Variants in ARHGAP32 observed in about 807,000 individuals in gnomAD.
ARHGAP32 encodes the protein rho GTPase-activating protein 32.
In ARHGAP32, 51 loss-of-function variants were observed where a neutral mutation model predicts 186.5. The observed-to-expected ratio is 0.27, with a 90% CI of 0.22 to 0.35. ARHGAP32 has a LOEUF of 0.35. Ranked by LOEUF, ARHGAP32 falls within the 10% of genes least tolerant of loss-of-function variation. The pLI is 1.00. For missense variants in ARHGAP32, 2,186 were observed against 2,623.5 expected (o/e 0.83, Z 3.64); for synonymous variants, 950 against 964.3 (o/e 0.99, Z 0.27).
intron 2 of ARHGAP32, among the ~76,000 whole-genome samples, chr11:129,128,729 C>G (rs1178222635): frequency 1.3e-5 from 2 of 152,108 alleles, no homozygotes; most frequent in Non-Finnish European, 2.9e-5. Flanking sequence ...GATTGCAGGC[C>G]CGCACCGCCA....
At chr11:129,250,972 C>T (rs1945174901) in intron 1 of ARHGAP32, among the ~76,000 whole-genome samples, 1 of 152,138 alleles carries the variant, frequency 6.6e-6, no homozygotes, top group Admixed American at 6.6e-5. Context: ...ATCCAAGTAA[C>T]AAATACTAAA....
chr11:129,046,635 A>G (rs373569600), intron 10 of ARHGAP32, among the ~76,000 whole-genome samples: 1 of 152,198 alleles, frequency 6.6e-6, no homozygotes, highest in East Asian at 1.9e-4. Context: ...AAGTGAGTGT[A>G]TGTGCTGAAA....
At chr11:129,057,055 T>G (rs929654627) in intron 10 of ARHGAP32, among the ~76,000 whole-genome samples, 1 of 152,162 alleles carries the variant, frequency 6.6e-6, no homozygotes, top group Non-Finnish European at 1.5e-5. Context: ...CGGAGCCCAG[T>G]TGACAGGGTT....
chr11:128,976,368 G>T (rs1340299519), intron 20 of ARHGAP32, among the ~76,000 whole-genome samples, 195 bp downstream of exon 20: 1 of 152,064 alleles, frequency 6.6e-6, no homozygotes, highest in Non-Finnish European at 1.5e-5. Flanking sequence ...TGCCAAAAAT[G>T]AAAAGATTAA....
intron 11 of ARHGAP32, among the ~76,000 whole-genome samples, chr11:129,027,752 G>A (rs999066835): frequency 6.6e-6 from 1 of 151,976 alleles, no homozygotes; most frequent in African/African-American, 2.4e-5. Context: ...CGTCTCTCAG[G>A]TTTATTTCTC....
chr11:128,971,641 A>T (rs148198343), intron 22 of ARHGAP32: 28 of 154,814 alleles, frequency 1.8e-4, no homozygotes, highest in African/African-American at 6.5e-4. Context: ...GCAATATTCA[A>T]ATCAGAAGCT....
At chr11:129,149,282 A>G (rs1943239381) in intron 2 of ARHGAP32, among the ~76,000 whole-genome samples, 2 of 152,176 alleles carry the variant, frequency 1.3e-5, no homozygotes, top group Admixed American at 1.3e-4. Context: ...TGGCTAACCA[A>G]TGGTCCTTAG....
At chr11:128,985,852 G>GTATATATATATA (rs1356966729) in intron 15 of ARHGAP32, 151 bp downstream of exon 15, 19 of 129,740 alleles carry the variant, frequency 1.5e-4, no homozygotes, top group South Asian at 7.3e-4. Context: ...GTGTGTGTGT[G>GTATATATATATA]TGTGTGTATA....
At chr11:129,017,109 G>A (rs187551679) in intron 11 of ARHGAP32, among the ~76,000 whole-genome samples, 85 of 152,182 alleles carry the variant, frequency 5.6e-4, no homozygotes, top group Non-Finnish European at 4.1e-4. Flanking sequence ...AGCTCCTAAC[G>A]GTATGATTAT....
At position 128,969,427 on chromosome 11, in the gene ARHGAP32, G is replaced by C. The variant is rs765607767; in HGVS notation, c.5786C>G (p.Ser1929Cys). ...DYGSKGIPDT[S>C]EPVSYHNSGV... ...AGAGTTGTGGTAGCTGACTGGCTCA[G>C]AAGTGTCTGGAATCCCTTTGGACCC... The change falls in exon 23 of 23, where the codon TCT becomes TGT. Residue 1929 changes from serine (S) to cysteine (C), a missense_variant. By Grantham distance (112) the Ser-to-Cys change is moderately radical. Around this residue, in one of 5 missense-constraint regions of ARHGAP32, gnomAD observed 1,502 missense variants for 1,570.0 expected, o/e 0.96. Transcript: ENST00000682385. This position sits in a 1 kb window ranked among gnomAD's most constrained non-coding sequence, Gnocchi z 4.8. 13 of 1,614,090 alleles carry C rather than the reference G, an allele frequency of 8.1e-6. 1 individual carries two copies. In the African/African-American group the frequency reaches 1.6e-4, roughly 20 times the overall value.
intron 11 of ARHGAP32, chr11:129,023,900 A>C: frequency 1.0e-6 from 1 of 985,358 alleles, no homozygotes; most frequent in Non-Finnish European, 1.2e-6. Context: ...ACTTAAAATT[A>C]TTCCAAATGA....
chr11:129,102,694 C>A (rs1941936207), intron 5 of ARHGAP32, among the ~76,000 whole-genome samples: 1 of 152,076 alleles, frequency 6.6e-6, no homozygotes, highest in East Asian at 1.9e-4. Flanking sequence ...CACCTATTAT[C>A]CAAAAACAGA....
upstream of ARHGAP32, among the ~76,000 whole-genome samples, chr11:129,193,481 CAA>C (rs1204964930): frequency 0.025 from 643 of 26,016 alleles, 22 homozygotes; most frequent in Middle Eastern, 0.056. Context: ...GACCCTGTCT[CAA>C]AAAAAAAAAA....
intron 11 of ARHGAP32, among the ~76,000 whole-genome samples, chr11:129,022,593 AAGGTTAC>A (rs1331960575): frequency 3.3e-5 from 5 of 152,150 alleles, no homozygotes; most frequent in African/African-American, 1.2e-4. Flanking sequence ...AGCTCTCACT[AAGGTTAC>A]TATGATGCTT....
rs1431566899 is a variant in ARHGAP32, at chr11:129,023,086, CTG to C, written c.1045+17840_1045+17841del. 1.2e-3 allele frequency among the ~76,000 whole-genome samples: 177 copies of C among 152,192 alleles called. 2 individuals carry two copies. In the East Asian group the frequency reaches 0.031, roughly 27 times the overall value. On this transcript the variant is annotated intron_variant, in intron 11 of 22. Transcript: ENST00000682385. ...TCCTGGAAAGAAAAATGTTCAACCTCTGTTAAGAAGTTGAACATACTAATCAG... is the reference window on the plus strand; with the variant it reads ...TCCTGGAAAGAAAAATGTTCAACCTCTTAAGAAGTTGAACATACTAATCAG...
At chr11:128,987,191 G>A (rs1196889533) in intron 13 of ARHGAP32, among the ~76,000 whole-genome samples, 1 of 152,148 alleles carries the variant, frequency 6.6e-6, no homozygotes, top group African/African-American at 2.4e-5. Context: ...TGTATCATTA[G>A]AATGAGTAAA....
At chr11:129,032,336 G>A (rs1017860164) in intron 11 of ARHGAP32, among the ~76,000 whole-genome samples, 7 of 152,146 alleles carry the variant, frequency 4.6e-5, no homozygotes, top group East Asian at 3.8e-4. Context: ...ACTCACCTGC[G>A]TGCTGCCCCT....
At chr11:129,250,863 T>A (rs1297145313) in intron 1 of ARHGAP32, among the ~76,000 whole-genome samples, 1 of 151,864 alleles carries the variant, frequency 6.6e-6, no homozygotes. Context: ...AGCTTACATA[T>A]GTCATACCTC....
chr11:129,066,893 T>C (rs1356589067), intron 6 of ARHGAP32, 25 bp from the exon 7 acceptor site: 3 of 1,562,636 alleles, frequency 1.9e-6, no homozygotes, highest in South Asian at 2.3e-5. Flanking sequence ...AAGAAACTCA[T>C]ATAATTCACC....
Sources: allele counts gnomAD v4.1 joint callset (sites outside exome capture counted in the v4.1 genomes callset), GRCh38; gene constraint gnomAD v4.1.1; regional missense constraint gnomAD v4.1.1; non-coding constraint Gnocchi (gnomAD v3.1); transcripts MANE v1.5; gene names NCBI Gene and HGNC (gene_info 2026-07-23, HGNC 2026-07-21).